The following PDHX variants were observed in gnomAD, a reference collection of about 807,000 sequenced individuals.
PDHX encodes pyruvate dehydrogenase complex component X, also known as pyruvate dehydrogenase protein X component, mitochondrial.
A neutral mutation model predicts 55.3 loss-of-function variants in PDHX; 33 were observed. That is an observed-to-expected ratio of 0.60 (90% CI 0.45 to 0.80). The LOEUF (loss-of-function observed/expected upper bound fraction) is 0.80. Among genes scored for constraint, PDHX ranks in the 30% least tolerant of loss-of-function variants. The pLI, the probability that PDHX is intolerant of heterozygous loss-of-function variation, is 0.00. For synonymous variants in PDHX, 226 were observed against 219.4 expected, an observed-to-expected ratio of 1.03 and a Z score of -0.27; for missense variants, 622 against 619.9, an observed-to-expected ratio of 1.00 and a Z score of -0.04.
At chr11:34,984,805 C>T (rs533282949) in intron 9 of PDHX, 77 bp downstream of exon 9, 517 of 1,372,070 alleles carry the variant, frequency 3.8e-4, no homozygotes, top group Non-Finnish European at 4.7e-4. Context: ...AAAGTTGTGA[C>T]GTAATCTAGT....
At chr11:34,987,771 G>A (rs780322710) in intron 9 of PDHX, among the ~76,000 whole-genome samples, 4 of 150,526 alleles carry the variant, frequency 2.7e-5, no homozygotes, top group South Asian at 4.3e-4. Context: ...TGTTCTTCAC[G>A]TCCAATATAG....
chr11:34,920,237 A>G (rs1853842078), intron 1 of PDHX, among the ~76,000 whole-genome samples: 1 of 152,192 alleles, frequency 6.6e-6, no homozygotes, highest in Non-Finnish European at 1.5e-5. Flanking sequence ...ATGATTTGGA[A>G]TATAATTGGT....
intron 7 of PDHX, among the ~76,000 whole-genome samples, chr11:34,976,541 G>C (rs1855378730): frequency 1.3e-5 from 2 of 152,172 alleles, no homozygotes; most frequent in African/African-American, 4.8e-5. Flanking sequence ...ATTAGAGGTA[G>C]AATTTGGAAG....
At chr11:34,989,537 G>GAGGC (rs1163707914) in intron 9 of PDHX, among the ~76,000 whole-genome samples, 2 of 150,848 alleles carry the variant, frequency 1.3e-5, no homozygotes, top group African/African-American at 5.0e-5. Context: ...TCTACCTGGT[G>GAGGC]AGGCAGGAGT....
intron 2 of PDHX, among the ~76,000 whole-genome samples, chr11:34,936,893 A>T (rs576847994): frequency 6.9e-6 from 1 of 144,388 alleles, no homozygotes; most frequent in African/African-American, 2.6e-5. Context: ...GGTTCACGTG[A>T]GTCTTGTGCC....
At chr11:34,931,507 T>TA (rs1194031426) in intron 2 of PDHX, 23 bp downstream of exon 2, 1 of 1,340,274 alleles carries the variant, frequency 7.5e-7, no homozygotes, top group African/African-American at 1.5e-5. Context: ...CTTCCTAATG[T>TA]CCTGTGTGCT....
intron 4 of PDHX, among the ~76,000 whole-genome samples, chr11:34,959,252 G>A (rs181026193): frequency 1.6e-3 from 242 of 152,058 alleles, no homozygotes; most frequent in Middle Eastern, 6.8e-3. Context: ...TAAAAAACAG[G>A]TGAAGAACTT....
At chr11:34,977,638 C>T (rs2133990492) in intron 7 of PDHX, 2 of 339,794 alleles carry the variant, frequency 5.9e-6, no homozygotes, top group Non-Finnish European at 1.2e-5. Context: ...GTATATATAA[C>T]TGTTTATATA....
intron 3 of PDHX, among the ~76,000 whole-genome samples, chr11:34,949,194 T>TA (rs1720537774): frequency 6.6e-6 from 1 of 152,226 alleles, no homozygotes; most frequent in Non-Finnish European, 1.5e-5. Context: ...AACAAGATGT[T>TA]GCAATTTTAT....
At chr11:34,954,639 T>C (rs1854863110) in intron 3 of PDHX, among the ~76,000 whole-genome samples, 1 of 152,214 alleles carries the variant, frequency 6.6e-6, no homozygotes, top group Non-Finnish European at 1.5e-5. Context: ...GTCAGTCCCC[T>C]GTAGTCTAAT....
chr11:34,986,125 C>T lies in PDHX; in HGVS notation c.1182+1397C>T, dbSNP rs569056679. On this transcript the variant is annotated intron_variant, in intron 9 of 10. Transcript: ENST00000227868. ...TTTGAGACCAGCCTGGCCAACATGGCGAAACCCCATTTCTACTAAAAATAC... is the reference window on the plus strand; with the variant it reads ...TTTGAGACCAGCCTGGCCAACATGGTGAAACCCCATTTCTACTAAAAATAC... 2.7e-4 allele frequency among the ~76,000 whole-genome samples: 41 copies of T among 152,072 alleles called. No individual in the cohort carries two copies. In the South Asian group the frequency reaches 5.6e-3, roughly 21 times the overall value.
chr11:34,916,674 C>G lies in PDHX; in HGVS notation c.19C>G (p.Leu7Val), dbSNP rs147403982. The G allele has an allele frequency of 1.9e-5, 31 of 1,610,852 alleles. No individual in the cohort carries two copies. The African/African-American group carries it at 4.1e-4, about 22-fold the overall frequency. Reference protein sequence around the residue: MAASWRLGCDPRLLRYL... With the variant: MAASWRVGCDPRLLRYL... ...CGTCAAGATGGCGGCCTCCTGGAGGCTGGGCTGTGATCCGCGGCTGCTGCG... is the reference window on the plus strand; with the variant it reads ...CGTCAAGATGGCGGCCTCCTGGAGGGTGGGCTGTGATCCGCGGCTGCTGCG... Residue 7 changes from leucine to valine, a missense_variant, in exon 1 of 11, where the codon CTG (leucine) becomes GTG (valine). Transcript: ENST00000227868.
intron 8 of PDHX, among the ~76,000 whole-genome samples, chr11:34,984,078 T>C (rs973936498): frequency 6.6e-6 from 1 of 152,084 alleles, no homozygotes; most frequent in Non-Finnish European, 1.5e-5. Context: ...AAAACAGAGA[T>C]ATAGACCAAT....
intron 9 of PDHX, 142 bp from the exon 10 acceptor site, chr11:34,992,173 G>A: frequency 1.7e-6 from 1 of 595,836 alleles, no homozygotes; most frequent in Non-Finnish European, 3.0e-6. Flanking sequence ...CTTATAATTA[G>A]AGAAAATTAT....
intron 8 of PDHX, among the ~76,000 whole-genome samples, chr11:34,984,259 C>G (rs903769391): frequency 1.3e-5 from 2 of 152,194 alleles, no homozygotes; most frequent in East Asian, 1.9e-4. Context: ...GGAAGTACAA[C>G]AGACATTAAA....
chr11:34,957,402 A>C lies in PDHX; in HGVS notation c.361A>C (p.Asn121His). 6.2e-7 allele frequency: 1 copy of C among 1,609,552 alleles called. No homozygotes were observed. Among genetic ancestry groups the C allele is most frequent in the Non-Finnish European group, 8.5e-7 (1 of 1,175,782 alleles). ...AKIVVEEGSK[N>H]IRLGSLIGLI... ...AATATAGGTTGAAGAAGGAAGTAAA[A>C]ATATACGGCTAGGTTCACTAATTGG... is the stretch of plus-strand genomic sequence containing the variant. The change falls in exon 4 of 11, where the codon AAT becomes CAT. Residue 121 changes from asparagine (N) to histidine (H), a missense_variant. Transcript: ENST00000227868.
At chr11:34,950,360 A>C (rs1337687775) in intron 3 of PDHX, among the ~76,000 whole-genome samples, 1 of 150,054 alleles carries the variant, frequency 6.7e-6, no homozygotes, top group African/African-American at 2.4e-5. Context: ...TTGTTTATTT[A>C]TTTATTTATT....
intron 2 of PDHX, among the ~76,000 whole-genome samples, chr11:34,940,143 G>C (rs1309938026): frequency 6.6e-6 from 1 of 152,022 alleles, no homozygotes; most frequent in African/African-American, 2.4e-5. Flanking sequence ...AGATTTTTCT[G>C]CTCTGCCGTG....
chr11:34,992,277 T>G, intron 9 of PDHX, 38 bp from the exon 10 acceptor site: 1 of 1,201,862 alleles, frequency 8.3e-7, no homozygotes, highest in Non-Finnish European at 1.2e-6. Context: ...CTGTATAACA[T>G]TTTGTTGGTT....
Sources: allele counts gnomAD v4.1 joint callset (sites outside exome capture counted in the v4.1 genomes callset), GRCh38; gene constraint gnomAD v4.1.1; transcripts MANE v1.5; gene names NCBI Gene and HGNC (gene_info 2026-07-23, HGNC 2026-07-21).